Variants in PTCHD4 observed in about 807,000 individuals in gnomAD.
PTCHD4 encodes patched domain containing 4.
In PTCHD4, 33 loss-of-function variants were observed where a neutral mutation model predicts 58.1. The ratio of observed to expected loss-of-function variants is 0.57; its 90% CI spans 0.43 to 0.76. The LOEUF (loss-of-function observed/expected upper bound fraction) is 0.76, where lower values mean the gene tolerates loss of function less well. Ranked by LOEUF, PTCHD4 falls within the 30% of genes least tolerant of loss-of-function variation. The probability of loss-of-function intolerance (pLI) is 0.00; values close to 1 mark genes in which losing one functional copy is unlikely to be tolerated. For missense variants in PTCHD4, 1,058 were observed against 1,027.1 expected, an observed-to-expected ratio of 1.03 and a Z score of -0.41; for synonymous variants, 478 against 409.6, an observed-to-expected ratio of 1.17 and a Z score of -2.02.
At position 47,858,741 on chromosome 6, in the gene PTCHD4, T is replaced by C. The variant is rs1763355231; in HGVS notation, c.*19562A>G. ...GAATAAATAATAAACCTGCTGATGT[T>C]AAGAAAACTAAAACAAGTTCCATAC... On this transcript the variant is annotated 3_prime_UTR_variant, in exon 5 of 5. Transcript: ENST00000339488. 6.6e-6 allele frequency among the ~76,000 whole-genome samples: 1 copy of C among 152,004 alleles called. No individual in the cohort carries two copies. The highest frequency in any genetic ancestry group is 1.5e-5 in the Non-Finnish European group (1 of 67,960).
intron 3 of PTCHD4, among the ~76,000 whole-genome samples, chr6:48,057,271 C>A (rs953543768): frequency 4.0e-5 from 6 of 150,660 alleles, no homozygotes; most frequent in Non-Finnish European, 8.8e-5. Flanking sequence ...AAATGGCTTT[C>A]AATGTCTTTC....
intron 4 of PTCHD4, chr6:47,901,738 A>C: frequency 4.2e-6 from 5 of 1,194,034 alleles, no homozygotes; most frequent in Non-Finnish European, 5.3e-6. Flanking sequence ...ATGAACTCTC[A>C]GATTGCTCTG....
At chr6:48,065,363 G>A (rs772061930) in intron 3 of PTCHD4, among the ~76,000 whole-genome samples, 1 of 152,080 alleles carries the variant, frequency 6.6e-6, no homozygotes, top group African/African-American at 2.4e-5. Flanking sequence ...GGTCAGAGTT[G>A]GGAAGAGTGG....
At chr6:48,099,483 C>A (rs1450202074) in intron 1 of PTCHD4, among the ~76,000 whole-genome samples, 1 of 152,126 alleles carries the variant, frequency 6.6e-6, no homozygotes, top group Non-Finnish European at 1.5e-5. Context: ...AGATGAGAGA[C>A]AGGCTAGCTG....
chr6:47,942,939 T>C (rs891028132), intron 4 of PTCHD4, among the ~76,000 whole-genome samples: 3 of 152,152 alleles, frequency 2.0e-5, no homozygotes, highest in African/African-American at 7.2e-5. Context: ...TATCAGAAAA[T>C]ATTCTGTGGC....
At chr6:47,954,997 A>T (rs556687846) in intron 4 of PTCHD4, among the ~76,000 whole-genome samples, 2 of 152,194 alleles carry the variant, frequency 1.3e-5, no homozygotes, top group Non-Finnish European at 2.9e-5. Flanking sequence ...CCAAAGTCTC[A>T]GCAAAAACTA....
At chr6:47,882,835 G>T (rs1276517460) in intron 4 of PTCHD4, among the ~76,000 whole-genome samples, 1 of 146,554 alleles carries the variant, frequency 6.8e-6, no homozygotes, top group Admixed American at 7.0e-5. Flanking sequence ...GAATTAAATG[G>T]TTTTCTCAAG....
chr6:48,021,904 ATGAAGGTGGTACCTTTC>A (rs1414336093), intron 3 of PTCHD4, among the ~76,000 whole-genome samples: 1 of 152,148 alleles, frequency 6.6e-6, no homozygotes. Context: ...AAGATAGGGG[ATGAAGGTGGTACCTTTC>A]TGAAGCCAAA....
At chr6:47,941,106 C>G (rs1283270136) in intron 4 of PTCHD4, among the ~76,000 whole-genome samples, 1 of 152,216 alleles carries the variant, frequency 6.6e-6, no homozygotes, top group Non-Finnish European at 1.5e-5. Context: ...CTCACTCTCC[C>G]TCGTAACACA....
intron 4 of PTCHD4, among the ~76,000 whole-genome samples, chr6:47,887,251 AT>A (rs1269671572): frequency 1.3e-5 from 2 of 149,668 alleles, no homozygotes; most frequent in East Asian, 1.9e-4. Flanking sequence ...TACTCTATAC[AT>A]TTTTAATAGA....
Position 47,879,079 on chromosome 6 carries a change from G to A in PTCHD4, c.1756C>T (p.Arg586Ter), listed in dbSNP as rs910334387. 2 of 1,613,166 alleles carry A rather than the reference G, an allele frequency of 1.2e-6. No individual in the cohort carries two copies. The highest frequency in any genetic ancestry group is 1.7e-6 in the Non-Finnish European group (2 of 1,179,688). ...GCCTTGGAGAAGATGATATCATTTC[G>A]AAAATGCTGGAATTCTGGCTTTTTT... ...FLKKPEFQHF[R>*]NDIIFSKAGD... The change falls in exon 5 of 5, where the codon CGA becomes TGA. Residue 586 changes from arginine to a stop codon, truncating the protein, a stop_gained. Coordinates refer to ENST00000339488, the MANE Select transcript of PTCHD4 (RefSeq NM_001384253.1). LOFTEE classifies it high-confidence loss of function.
chr6:48,104,709 C>A (rs1765682593), intron 1 of PTCHD4, among the ~76,000 whole-genome samples: 1 of 152,128 alleles, frequency 6.6e-6, no homozygotes, highest in Non-Finnish European at 1.5e-5. Context: ...GGAAACCTAT[C>A]TCATGTGCAG....
chr6:47,975,611 T>C (rs939880357), intron 4 of PTCHD4, among the ~76,000 whole-genome samples: 1 of 152,186 alleles, frequency 6.6e-6, no homozygotes, highest in African/African-American at 2.4e-5. Context: ...CAATAATTAC[T>C]CTGTCTTCCT....
chr6:48,020,060 G>A (rs1763011475), intron 3 of PTCHD4, among the ~76,000 whole-genome samples: 1 of 152,112 alleles, frequency 6.6e-6, no homozygotes, highest in Admixed American at 6.5e-5. Context: ...GGTAAGAGAA[G>A]AGTGATTTCT....
intron 3 of PTCHD4, among the ~76,000 whole-genome samples, chr6:48,025,899 G>A (rs1763226366): frequency 6.6e-6 from 1 of 152,062 alleles, no homozygotes; most frequent in Admixed American, 6.6e-5. Flanking sequence ...CAGGGACAGG[G>A]CTACTCAATT....
At position 47,878,929 on chromosome 6, in the gene PTCHD4, G is replaced by A. The variant is rs749717946; in HGVS notation, c.1906C>T (p.Arg636Ter). ...LRPLSLSKSIRFIVFNPSFVF... is the reference protein window; with the variant it reads ...LRPLSLSKSI ...AAGGAGGGGTTGAACACGATGAATC[G>A]GATGCTCTTTGAGAGGGATAGGGGC... Residue 636 changes from arginine (R) to a stop codon, truncating the protein, a stop_gained, in exon 5 of 5, where the codon CGA becomes TGA. Coordinates refer to ENST00000339488, the MANE Select transcript of PTCHD4 (RefSeq NM_001384253.1). LOFTEE classifies it high-confidence loss of function. The A allele has an allele frequency of 4.3e-6, 7 of 1,613,234 alleles. No individual in the cohort carries two copies. The highest frequency in any genetic ancestry group is 5.1e-6 in the Non-Finnish European group (6 of 1,179,738).
chr6:48,037,154 T>G (rs2814483), intron 3 of PTCHD4, among the ~76,000 whole-genome samples: 122,511 of 152,084 alleles, frequency 0.81, 49,361 homozygotes, highest in Middle Eastern at 0.85. Context: ...ACGTCATGAC[T>G]AGAGAGTGAG....
chr6:48,011,638 G>A (rs566681841), intron 3 of PTCHD4, among the ~76,000 whole-genome samples: 31 of 152,188 alleles, frequency 2.0e-4, no homozygotes, highest in South Asian at 1.5e-3. Context: ...TAGTCATGAG[G>A]TCTTTGCCCA....
At chr6:47,999,681 T>G (rs1282706850) in intron 4 of PTCHD4, among the ~76,000 whole-genome samples, 1 of 152,152 alleles carries the variant, frequency 6.6e-6, no homozygotes, top group African/African-American at 2.4e-5. Flanking sequence ...ACCCACAGAA[T>G]CCATGAACAT....
Sources: gnomAD v4.1 joint callset for allele counts (sites outside exome capture counted in the v4.1 genomes callset) on GRCh38, gnomAD v4.1.1 for gene constraint, MANE v1.5 for transcripts, NCBI Gene and HGNC (gene_info 2026-07-23, HGNC 2026-07-21) for gene names.